Variants in UBR2 observed in about 807,000 individuals in gnomAD.
The protein encoded by UBR2 is E3 ubiquitin-protein ligase UBR2.
Under a neutral mutation model 247.9 loss-of-function variants are expected in UBR2, and 92 were observed. The ratio of observed to expected loss-of-function variants is 0.37; its 90% confidence interval spans 0.31 to 0.44. The LOEUF is 0.44. Among genes scored for constraint, UBR2 ranks in the 20% least tolerant of loss-of-function variants. The pLI is 1.00. For missense variants in UBR2, 1,613 were observed against 2,112.6 expected (o/e 0.76, Z 4.64); for synonymous variants, 672 against 693.5 (o/e 0.97, Z 0.49).
Position 42,659,929 on chromosome 6 carries a change from A to AT in UBR2, c.3442+80dup. Reference sequence around the variant, plus strand: ...TTAATGTGGTTGGTGATACGTTGAGATTTTTTAAACCTAAAAATAACTCCA... The same window carrying AT: ...TTAATGTGGTTGGTGATACGTTGAGATTTTTTTAAACCTAAAAATAACTCCA... On this transcript the variant is annotated intron_variant, in intron 30 of 46. Transcript: ENST00000372901. This position sits in a 1 kb window ranked among gnomAD's most constrained non-coding sequence, Gnocchi z 4.3. 6.9e-7 allele frequency: 1 copy of AT among 1,456,210 alleles called. No homozygotes were observed. The highest frequency in any genetic ancestry group is 9.5e-7 in the Non-Finnish European group (1 of 1,054,940). The allele number at this position is 1,456,210 out of a possible 1,614,324, so 90.2% of individuals were successfully genotyped here.
At chr6:42,629,508 T>A (rs932765021) in intron 11 of UBR2, among the ~76,000 whole-genome samples, 1 of 151,824 alleles carries the variant, frequency 6.6e-6, no homozygotes, top group Non-Finnish European at 1.5e-5. Flanking sequence ...AGGTAAAAAA[T>A]TAGCCAAGCG....
chr6:42,689,063 C>T lies in UBR2; in HGVS notation c.5025-506C>T, dbSNP rs145301156. Among the ~76,000 whole-genome samples, 173 of 152,328 alleles carry T rather than the reference C, an allele frequency of 1.1e-3. No individual in the cohort carries two copies. The highest frequency in any genetic ancestry group is 4.0e-3 in the African/African-American group (165 of 41,572). ...AAGTGGGAGAACATTCTACTCAGAA[C>T]ATTCTGCACAGTTCCTGGGGTAGAA... On this transcript the variant is annotated intron_variant, in intron 45 of 46. Transcript: ENST00000372901. This position sits in a 1 kb window ranked among gnomAD's most constrained non-coding sequence, Gnocchi z 4.0.
intron 13 of UBR2, chr6:42,634,359 AT>A: frequency 4.0e-6 from 1 of 252,676 alleles, no homozygotes; most frequent in Non-Finnish European, 8.1e-6. Context: ...AGCAAGTACT[AT>A]TATGATTTCT....
chr6:42,591,437 A>G (rs148890312), intron 2 of UBR2, among the ~76,000 whole-genome samples: 3 of 152,296 alleles, frequency 2.0e-5, no homozygotes, highest in African/African-American at 4.8e-5. Context: ...AGATTCTCTT[A>G]AGATATGATC....
intron 15 of UBR2, among the ~76,000 whole-genome samples, chr6:42,638,545 C>A (rs1796246173): frequency 6.6e-6 from 1 of 152,080 alleles, no homozygotes; most frequent in Non-Finnish European, 1.5e-5. Flanking sequence ...AAATCATGAT[C>A]GTAAGAAGAA....
intron 2 of UBR2, among the ~76,000 whole-genome samples, chr6:42,586,502 G>T (rs1224962904): frequency 6.8e-6 from 1 of 147,416 alleles, no homozygotes; most frequent in African/African-American, 2.5e-5. Flanking sequence ...TGTTGATTTA[G>T]GTCTACCATT....
chr6:42,635,850 T>C (rs1796056917), intron 14 of UBR2, among the ~76,000 whole-genome samples: 1 of 152,250 alleles, frequency 6.6e-6, no homozygotes, highest in African/African-American at 2.4e-5. Context: ...TCTAAATTTA[T>C]TCAAAAATAA....
intron 38 of UBR2, among the ~76,000 whole-genome samples, chr6:42,675,387 G>A (rs957038324): frequency 6.6e-6 from 1 of 152,188 alleles, no homozygotes; most frequent in Non-Finnish European, 1.5e-5. Context: ...CTCATAAGAG[G>A]AGGAGGTAGG....
intron 8 of UBR2, among the ~76,000 whole-genome samples, chr6:42,612,823 A>G (rs1794178747): frequency 6.6e-6 from 1 of 152,228 alleles, no homozygotes; most frequent in South Asian, 2.1e-4. Context: ...ATTTTTGGCC[A>G]GGTGCCATGG....
rs1351026631 is a variant in UBR2, at chr6:42,615,157, A to G, written c.1072A>G (p.Ser358Gly). Residue 358 changes from serine (S) to glycine (G), a missense_variant, in exon 9 of 47, where the codon AGT (serine) becomes GGT (glycine). Transcript: ENST00000372901. ...TTCTCTAGTGGACAGACTGATGCTT[A>G]GTGATTCCAAATTATGGAAAGGTGA... is the stretch of plus-strand genomic sequence containing the variant. ...NSSLVDRLMLSDSKLWKGARS... is the reference protein window; with the variant it reads ...NSSLVDRLMLGDSKLWKGARS... The G allele has an allele frequency of 1.2e-6, 2 of 1,610,830 alleles. No homozygotes were observed. Among genetic ancestry groups the G allele is most frequent in the Non-Finnish European group, 1.7e-6 (2 of 1,178,552 alleles).
At chr6:42,640,345 T>A in intron 16 of UBR2, 75 bp downstream of exon 16, 1 of 1,375,144 alleles carries the variant, frequency 7.3e-7, no homozygotes. Flanking sequence ...TTGAAACACA[T>A]TTTTAGTTTG....
intron 6 of UBR2, 51 bp from the exon 7 acceptor site, chr6:42,606,535 GTTA>G: frequency 6.7e-7 from 1 of 1,486,808 alleles, no homozygotes; most frequent in Non-Finnish European, 9.3e-7. Context: ...TGGTTTAAAA[GTTA>G]TTAATATTGA....
At chr6:42,616,585 TATAA>T (rs1471872738) in intron 10 of UBR2, among the ~76,000 whole-genome samples, 2 of 151,970 alleles carry the variant, frequency 1.3e-5, no homozygotes, top group Admixed American at 6.6e-5. Flanking sequence ...ACTTTGATTT[TATAA>T]ATAGATTGCA....
At chr6:42,581,003 ATTTTTTTTTTT>A (rs58396471) in intron 2 of UBR2, among the ~76,000 whole-genome samples, 3 of 62,636 alleles carry the variant, frequency 4.8e-5, no homozygotes, top group East Asian at 4.0e-4. Context: ...TGGTTCTAGA[ATTTTTTTTTTT>A]TTTTTTTTTT....
At position 42,612,302 on chromosome 6, in the gene UBR2, A is replaced by G; in HGVS notation, c.985+11A>G. 1 of 1,496,096 alleles carries G rather than the reference A, an allele frequency of 6.7e-7. No individual in the cohort carries two copies. Among genetic ancestry groups the G allele is most frequent in the Non-Finnish European group, 9.1e-7 (1 of 1,100,368 alleles). The allele number at this position is 1,496,096 out of a possible 1,614,324, so 92.7% of individuals were successfully genotyped here. A position where few individuals can be genotyped will look rare whatever the true frequency, so the allele number is the denominator to read the frequency against. The stretch of plus-strand genomic sequence containing the variant: ...TTATTGGATATTCAGGTAGGTTCAT[A>G]AAAGTTCATGCCAATTGTCTATTAA... On this transcript the variant is annotated intron_variant, in intron 8 of 46. Coordinates refer to ENST00000372901, the MANE Select transcript of UBR2 (RefSeq NM_001363705.2).
intron 2 of UBR2, among the ~76,000 whole-genome samples, chr6:42,587,532 A>AT (rs962685029): frequency 6.6e-6 from 1 of 151,706 alleles, no homozygotes; most frequent in African/African-American, 2.4e-5. Flanking sequence ...TAATTTTTAA[A>AT]TTTTTTGTAG....
At chr6:42,681,568 C>T (rs1193859618) in intron 42 of UBR2, among the ~76,000 whole-genome samples, 4 of 136,776 alleles carry the variant, frequency 2.9e-5, no homozygotes, top group Admixed American at 7.4e-5. Context: ...ATTAGGTGAG[C>T]TATTACTTTT....
intron 31 of UBR2, 101 bp downstream of exon 31, chr6:42,662,378 A>G: frequency 1.4e-6 from 1 of 716,328 alleles, no homozygotes; most frequent in Non-Finnish European, 2.2e-6. Context: ...AAAGAACTAA[A>G]AATGTTGAAA....
rs767408575 is a variant in UBR2, at chr6:42,615,064, T to C, written c.986-7T>C. The C allele has an allele frequency of 6.2e-6, 10 of 1,611,392 alleles. No homozygotes were observed. In the South Asian group the frequency reaches 8.8e-5, roughly 14 times the overall value. On this transcript the variant is annotated splice_polypyrimidine_tract_variant and splice_region_variant and intron_variant, in intron 8 of 46. Coordinates refer to ENST00000372901, the MANE Select transcript of UBR2 (RefSeq NM_001363705.2). ...CTATCTCATTCTACCTTTCCTTCTA[T>C]TTAAAGATGGCCTTCGCCGGATTTT... is the stretch of plus-strand genomic sequence containing the variant.
Sources: allele counts gnomAD v4.1 joint callset (sites outside exome capture counted in the v4.1 genomes callset), GRCh38; gene constraint gnomAD v4.1.1; non-coding constraint Gnocchi (gnomAD v3.1); transcripts MANE v1.5; gene names NCBI Gene and HGNC (gene_info 2026-07-23, HGNC 2026-07-21).